The following SHISA9 variants were observed in gnomAD, a reference collection of about 807,000 sequenced individuals.
SHISA9 encodes the protein protein shisa-9.
SHISA9 carries 13 observed loss-of-function variants against 38.0 expected under a neutral mutation model. That is an observed-to-expected ratio of 0.34 (90% CI 0.22 to 0.54). SHISA9 has a LOEUF of 0.54. Ranked by LOEUF, SHISA9 falls within the 20% of genes least tolerant of loss-of-function variation. SHISA9 has a pLI of 0.91. For missense variants in SHISA9, 538 were observed against 575.8 expected (o/e 0.93, Z 0.67); for synonymous variants, 275 against 242.0 (o/e 1.14, Z -1.27).
intron 2 of SHISA9, among the ~76,000 whole-genome samples, chr16:13,023,211 A>G (rs1010509743): frequency 2.0e-5 from 3 of 152,020 alleles, no homozygotes; most frequent in Admixed American, 6.6e-5. Flanking sequence ...GATGTTCCCC[A>G]CCCTGTGTCC....
At chr16:13,148,950 C>G (rs1426135374) in intron 2 of SHISA9, among the ~76,000 whole-genome samples, 1 of 152,150 alleles carries the variant, frequency 6.6e-6, no homozygotes, top group Non-Finnish European at 1.5e-5. Flanking sequence ...TTATGTAACT[C>G]CAACAGCTCT....
chr16:13,070,593 A>G (rs1466262338), intron 2 of SHISA9, among the ~76,000 whole-genome samples: 2 of 152,228 alleles, frequency 1.3e-5, no homozygotes, highest in South Asian at 2.1e-4. Flanking sequence ...TAGGCCACCC[A>G]GGAACAAATT....
the SHISA9 span, among the ~76,000 whole-genome samples, chr16:13,278,042 G>A: frequency 6.6e-6 from 1 of 151,968 alleles, no homozygotes; most frequent in Admixed American, 6.6e-5. Flanking sequence ...GTGTTATGTT[G>A]GCTGTGGGTT....
chr16:13,353,818 G>C, the SHISA9 span, among the ~76,000 whole-genome samples: 1 of 152,140 alleles, frequency 6.6e-6, no homozygotes, highest in Non-Finnish European at 1.5e-5. Context: ...TCGTGAAGAC[G>C]GAGGACCGTA....
At chr16:13,170,393 A>G (rs569239854) in intron 2 of SHISA9, among the ~76,000 whole-genome samples, 1 of 152,208 alleles carries the variant, frequency 6.6e-6, no homozygotes, top group Admixed American at 6.5e-5. Context: ...TTGTGTTGCT[A>G]TAAAGCAATA....
chr16:13,345,268 C>T, the SHISA9 span, among the ~76,000 whole-genome samples: 2 of 152,106 alleles, frequency 1.3e-5, no homozygotes, highest in African/African-American at 4.8e-5. Flanking sequence ...CCATCCTCCA[C>T]CTCTGAAAGG....
the SHISA9 span, among the ~76,000 whole-genome samples, chr16:13,516,779 C>T: frequency 1.5e-5 from 2 of 134,854 alleles, no homozygotes. Flanking sequence ...GCCTGGGAAA[C>T]AGAGCAAGAT....
the SHISA9 span, among the ~76,000 whole-genome samples, chr16:13,455,116 A>T: frequency 6.6e-6 from 1 of 152,106 alleles, no homozygotes; most frequent in Non-Finnish European, 1.5e-5. Flanking sequence ...CCACATAATT[A>T]TACCTTTATA....
the SHISA9 span, among the ~76,000 whole-genome samples, chr16:13,469,433 A>AAGAGAAAG: frequency 7.5e-6 from 1 of 133,042 alleles, no homozygotes; most frequent in African/African-American, 2.8e-5. Context: ...AAAAGAAAGA[A>AAGAGAAAG]AGAGAAAGAA....
intron 2 of SHISA9, among the ~76,000 whole-genome samples, chr16:12,985,936 C>G (rs917912406): frequency 2.0e-5 from 3 of 152,128 alleles, no homozygotes; most frequent in Admixed American, 1.3e-4. Flanking sequence ...ATTTGAGAAC[C>G]CTGCTGTCTT....
intron 2 of SHISA9, among the ~76,000 whole-genome samples, chr16:13,003,066 C>T (rs1207971350): frequency 6.6e-6 from 1 of 152,148 alleles, no homozygotes; most frequent in Non-Finnish European, 1.5e-5. Flanking sequence ...GGAGCACATT[C>T]CAGTTGGAGG....
At chr16:13,408,409 T>C in the SHISA9 span, among the ~76,000 whole-genome samples, 1 of 152,172 alleles carries the variant, frequency 6.6e-6, no homozygotes, top group African/African-American at 2.4e-5. Flanking sequence ...AATTGACTAA[T>C]AAAATAAACA....
intron 2 of SHISA9, among the ~76,000 whole-genome samples, chr16:12,952,097 C>G (rs1271838581): frequency 6.6e-6 from 1 of 152,162 alleles, no homozygotes; most frequent in Non-Finnish European, 1.5e-5. Flanking sequence ...TTTGCTAATG[C>G]AGACGTAAAC....
rs146344411 is a variant in SHISA9 at position 12,932,814 on chromosome 16, C to T, written c.691+15999C>T. On this transcript the variant is annotated intron_variant, in intron 2 of 4. Coordinates refer to ENST00000558583, the MANE Select transcript of SHISA9 (RefSeq NM_001145204.3). ...TGTCACTGATGACATGTCGTGGCTC[C>T]CTGCAGTGGAGTGTTGAAGATGATT... 2.7e-3 allele frequency among the ~76,000 whole-genome samples: 415 copies of T among 152,224 alleles called. 5 individuals are homozygous for T. The South Asian group carries it at 0.028, about 10-fold the overall frequency.
intron 2 of SHISA9, among the ~76,000 whole-genome samples, chr16:13,015,315 T>G (rs1249484446): frequency 2.6e-5 from 4 of 152,266 alleles, no homozygotes; most frequent in Non-Finnish European, 5.9e-5. Flanking sequence ...AGAAAAAGTT[T>G]ACTGACCTCT....
the SHISA9 span, among the ~76,000 whole-genome samples, chr16:13,480,608 T>C: frequency 6.6e-6 from 1 of 152,296 alleles, no homozygotes; most frequent in African/African-American, 2.4e-5. Flanking sequence ...TGCTAGGGTC[T>C]TGCCATTTTT....
the SHISA9 span, among the ~76,000 whole-genome samples, chr16:13,452,005 C>G: frequency 6.6e-6 from 1 of 152,122 alleles, no homozygotes; most frequent in African/African-American, 2.4e-5. Context: ...CTGAAGGGAC[C>G]CTTTGTTTCA....
intron 2 of SHISA9, among the ~76,000 whole-genome samples, chr16:12,937,883 A>G (rs1227752514): frequency 2.0e-5 from 3 of 152,198 alleles, no homozygotes; most frequent in African/African-American, 4.8e-5. Flanking sequence ...CTTTTGGTCT[A>G]TTTAGACCTA....
the SHISA9 span, among the ~76,000 whole-genome samples, chr16:13,478,712 C>G: frequency 2.6e-5 from 4 of 152,316 alleles, no homozygotes; most frequent in East Asian, 7.7e-4. Context: ...ATTTCATCTT[C>G]TTACATGAGT....
Sources: gnomAD v4.1 joint callset for allele counts (sites outside exome capture counted in the v4.1 genomes callset) on GRCh38, gnomAD v4.1.1 for gene constraint, MANE v1.5 for transcripts, NCBI Gene and HGNC (gene_info 2026-07-23, HGNC 2026-07-21) for gene names.